Variants in DAB1 observed in about 807,000 individuals in gnomAD.
The protein encoded by DAB1 is disabled homolog 1.
DAB1 carries 15 observed loss-of-function variants against 64.6 expected under a neutral mutation model. That is an observed-to-expected ratio of 0.23 (90% CI 0.16 to 0.36). The LOEUF is 0.36. Ranked by LOEUF, DAB1 falls within the 10% of genes least tolerant of loss-of-function variation. The pLI is 1.00. For missense variants in DAB1, 596 were observed against 706.7 expected, an observed-to-expected ratio of 0.84 and a Z score of 1.78; for synonymous variants, 235 against 251.9, an observed-to-expected ratio of 0.93 and a Z score of 0.64.
At chr1:58,106,528 T>A (rs1408020026) in intron 5 of DAB1, among the ~76,000 whole-genome samples, 1 of 152,206 alleles carries the variant, frequency 6.6e-6, no homozygotes, top group African/African-American at 2.4e-5. Context: ...GGAGTAGATA[T>A]GATTAGCTCC....
rs545090952 is a variant in DAB1, at chr1:57,150,950, G to A, written c.68-5521C>T. Among the ~76,000 whole-genome samples the A allele has an allele frequency of 2.3e-4, 35 of 152,264 alleles. No homozygotes were observed. In the South Asian group the frequency reaches 5.2e-3, roughly 23 times the overall value. On this transcript the variant is annotated intron_variant, in intron 2 of 14. Coordinates refer to ENST00000371236, the MANE Select transcript of DAB1 (RefSeq NM_001365792.1). ...GAGGGAGGATTGCTTGAGCCCAGCA[G>A]TTTGAAACCAGCCTGGGCAGCATAA...
rs941393418 is a variant in DAB1 at position 57,310,003 on chromosome 1, G to A, written c.-136-18837C>T. Among the ~76,000 whole-genome samples the A allele has an allele frequency of 4.6e-5, 7 of 152,146 alleles. No homozygotes were observed. The South Asian group carries it at 8.3e-4, about 18-fold the overall frequency. On this transcript the variant is annotated intron_variant, in intron 1 of 14. Coordinates refer to ENST00000371236, the MANE Select transcript of DAB1 (RefSeq NM_001365792.1). ...CACAGACCCCCGCCACTCCAAACAC[G>A]TTTATTTACTCTTTCAATCAATGCA...
chr1:57,723,063 T>C (rs1209454173), intron 6 of DAB1, among the ~76,000 whole-genome samples: 1 of 152,206 alleles, frequency 6.6e-6, no homozygotes, highest in Admixed American at 6.5e-5. Flanking sequence ...CTACCACTGA[T>C]ATTGCAATCT....
At chr1:57,087,943 G>C (rs1570667816) in intron 4 of DAB1, among the ~76,000 whole-genome samples, 1 of 152,312 alleles carries the variant, frequency 6.6e-6, no homozygotes, top group East Asian at 1.9e-4. Flanking sequence ...ATGGAAAGTA[G>C]GATGCGCTGT....
At chr1:57,733,198 C>T (rs1288843905) in intron 6 of DAB1, among the ~76,000 whole-genome samples, 3 of 152,050 alleles carry the variant, frequency 2.0e-5, no homozygotes, top group Non-Finnish European at 4.4e-5. Context: ...TTTAAAATTG[C>T]AACTTGCTCT....
At chr1:57,018,816 C>T (rs17451091) in intron 11 of DAB1, among the ~76,000 whole-genome samples, 14,837 of 152,204 alleles carry the variant, frequency 0.097, 911 homozygotes, top group Non-Finnish European at 0.14. Context: ...GGGGTCAGCT[C>T]CTTCCACCTC....
intron 9 of DAB1, 89 bp downstream of exon 9, chr1:57,062,795 A>T: frequency 9.1e-7 from 1 of 1,093,556 alleles, no homozygotes; most frequent in Non-Finnish European, 1.4e-6. Context: ...CACTCATTCC[A>T]GGAGAAGGGT....
chr1:57,313,503 G>A (rs1674914616), intron 1 of DAB1, among the ~76,000 whole-genome samples: 1 of 152,054 alleles, frequency 6.6e-6, no homozygotes, highest in Admixed American at 6.5e-5. Flanking sequence ...ATACAGTAGG[G>A]GCCTGAGGCA....
chr1:58,535,531 G>C (rs1339034491), intron 1 of DAB1, among the ~76,000 whole-genome samples: 2 of 150,300 alleles, frequency 1.3e-5, no homozygotes, highest in Non-Finnish European at 2.9e-5. Flanking sequence ...GTAAGGTGGA[G>C]GTTGCAGTGA....
chr1:57,940,714 T>C (rs1570036108), intron 5 of DAB1, among the ~76,000 whole-genome samples: 1 of 152,176 alleles, frequency 6.6e-6, no homozygotes, highest in African/African-American at 2.4e-5. Flanking sequence ...GCAATGCTTT[T>C]CCCCACACTA....
At chr1:57,460,345 G>C (rs1439219084) in intron 7 of DAB1, among the ~76,000 whole-genome samples, 1 of 152,058 alleles carries the variant, frequency 6.6e-6, no homozygotes, top group Non-Finnish European at 1.5e-5. Context: ...TTATTTGGAG[G>C]GAGAAGACCA....
chr1:57,091,802 C>T (rs750383535), intron 4 of DAB1, among the ~76,000 whole-genome samples: 2 of 152,230 alleles, frequency 1.3e-5, no homozygotes, highest in Non-Finnish European at 2.9e-5. Flanking sequence ...ATTCAATACA[C>T]TTGAAACAGT....
chr1:57,163,955 G>A (rs1310499663), intron 2 of DAB1, among the ~76,000 whole-genome samples: 1 of 152,158 alleles, frequency 6.6e-6, no homozygotes, highest in African/African-American at 2.4e-5. Flanking sequence ...TCAGAGCAGA[G>A]AGAGCAATTT....
chr1:58,479,680 A>T (rs1645453803), intron 3 of DAB1, among the ~76,000 whole-genome samples: 1 of 152,164 alleles, frequency 6.6e-6, no homozygotes. Flanking sequence ...ATATGTGGGG[A>T]AGCTAATGAA....
Position 57,229,196 on chromosome 1 carries a change from C to T in DAB1, c.67+61768G>A, listed in dbSNP as rs1246045249. Among the ~76,000 whole-genome samples the T allele has an allele frequency of 3.0e-4, 42 of 140,138 alleles. 1 individual carries two copies. The highest frequency in any genetic ancestry group is 1.1e-3 in the African/African-American group (41 of 38,426). The allele number at this position is 140,138 out of a possible 152,430, so 91.9% of individuals were successfully genotyped here. The stretch of plus-strand genomic sequence containing the variant: ...TCTGTAATATTTTTCACTTCTTCTT[C>T]TTTTTTTTTTTTTTTTAAACAGGCT... On this transcript the variant is annotated intron_variant, in intron 2 of 14. Transcript: ENST00000371236.
chr1:57,774,470 A>C (rs546831443), intron 6 of DAB1, among the ~76,000 whole-genome samples: 1 of 151,904 alleles, frequency 6.6e-6, no homozygotes, highest in Non-Finnish European at 1.5e-5. Flanking sequence ...ACAATGTTGA[A>C]TAGAAATGAT....
chr1:57,603,537 A>C (rs1258311541), intron 7 of DAB1, among the ~76,000 whole-genome samples: 1 of 152,212 alleles, frequency 6.6e-6, no homozygotes, highest in Non-Finnish European at 1.5e-5. Context: ...GGACCACATC[A>C]GGCATTAAGG....
intron 7 of DAB1, among the ~76,000 whole-genome samples, chr1:57,542,419 G>T (rs1054597873): frequency 6.6e-6 from 1 of 150,732 alleles, no homozygotes; most frequent in Non-Finnish European, 1.5e-5. Context: ...GGTTGGAGGG[G>T]TAGGAATTAA....
intron 2 of DAB1, among the ~76,000 whole-genome samples, chr1:58,508,620 G>A (rs1363564510): frequency 1.3e-5 from 2 of 152,140 alleles, no homozygotes; most frequent in Non-Finnish European, 2.9e-5. Context: ...CTTGGCTTGT[G>A]TATCTAACAT....
Sources: gnomAD v4.1 joint callset for allele counts (sites outside exome capture counted in the v4.1 genomes callset) on GRCh38, gnomAD v4.1.1 for gene constraint, MANE v1.5 for transcripts, NCBI Gene and HGNC (gene_info 2026-07-23, HGNC 2026-07-21) for gene names.